Variants in MAT2A observed in about 807,000 individuals in gnomAD.
MAT2A encodes the protein methionine adenosyltransferase 2A, also known as S-adenosylmethionine synthase isoform type-2.
In MAT2A, 3 loss-of-function variants were observed where a neutral mutation model predicts 43.9. The observed-to-expected ratio is 0.07, with a 90% CI of 0.03 to 0.18. The LOEUF is 0.18. Ranked by LOEUF, MAT2A falls within the 10% of genes least tolerant of loss-of-function variation. MAT2A has a pLI of 1.00. For missense variants in MAT2A, 204 were observed against 489.0 expected, an observed-to-expected ratio of 0.42 and a Z score of 5.50; for synonymous variants, 200 against 168.4, an observed-to-expected ratio of 1.19 and a Z score of -1.45.
chr2:85,541,882 C>T lies in MAT2A; in HGVS notation c.459C>T (p.Thr153=), dbSNP rs1691484335. Residue 153 remains threonine (T), a synonymous_variant, in exon 5 of 9, where the codon ACC becomes ACT. Transcript: ENST00000306434. Reference sequence around the variant, plus strand: ...AAACTGAGGAGTGTATGCCTTTAACCATTGTCTTGGCACACAAGCTAAATG... The same window carrying T: ...AAACTGAGGAGTGTATGCCTTTAACTATTGTCTTGGCACACAAGCTAAATG... ...TDETEECMPL[T]IVLAHKLNAK... 1 of 1,614,184 alleles carries T rather than the reference C, an allele frequency of 6.2e-7. No homozygotes were observed. The highest frequency in any genetic ancestry group is 8.5e-7 in the Non-Finnish European group (1 of 1,180,016).
rs1488369439 is a variant in MAT2A, at chr2:85,542,978, A to G, written c.1029A>G (p.Arg343=). The G allele has an allele frequency of 1.9e-6, 3 of 1,613,510 alleles. No individual in the cohort carries two copies. The highest frequency in any genetic ancestry group is 8.5e-7 in the Non-Finnish European group (1 of 1,179,840). ...ATGGTACCTCTCAGAAGAGTGAGAG[A>G]GAGCTATTAGAGATTGTGAAGAAGA... ...FHYGTSQKSE[R]ELLEIVKKNF... The change falls in exon 8 of 9, where the codon AGA becomes AGG. Residue 343 remains arginine, a synonymous_variant. Transcript: ENST00000306434.
At chr2:85,539,808 C>G (rs1691416166) in intron 1 of MAT2A, 1 of 158,184 alleles carries the variant, frequency 6.3e-6, no homozygotes, top group African/African-American at 2.4e-5. Context: ...CAGCGGCGAC[C>G]ACGTGTTTGC....
chr2:85,541,740 G>T lies in MAT2A; in HGVS notation c.400G>T (p.Asp134Tyr). 1 of 1,614,090 alleles carries T rather than the reference G, an allele frequency of 6.2e-7. No homozygotes were observed. Among genetic ancestry groups the T allele is most frequent in the South Asian group, 1.1e-5 (1 of 91,060 alleles). ...DRNEEDIGAG[D>Y]QGLMFGYATD... ...AAATGAAGAAGACATTGGTGCTGGA[G>T]ACCAGGTATCTTGGTGTAGAGGCTG... is the stretch of plus-strand genomic sequence containing the variant. The change falls in exon 4 of 9, where the codon GAC becomes TAC. Residue 134 changes from aspartate (D) to tyrosine (Y), a missense_variant. Physicochemically the swap from Asp to Tyr is radical, Grantham distance 160 (BLOSUM62 -3). Transcript: ENST00000306434.
Position 85,543,751 on chromosome 2 carries a change from G to A in MAT2A, c.1167G>A (p.Val389=). 3.7e-6 allele frequency: 6 copies of A among 1,608,174 alleles called. No homozygotes were observed. Among genetic ancestry groups the A allele is most frequent in the Non-Finnish European group, 5.1e-6 (6 of 1,176,372 alleles). Reference sequence around the variant, plus strand: ...GTAGGGACAGCTTCCCATGGGAAGTGCCCAAAAAGCTTAAATATTGAAAGT... The same window carrying A: ...GTAGGGACAGCTTCCCATGGGAAGTACCCAAAAAGCTTAAATATTGAAAGT... ...HFGRDSFPWE[V]PKKLKY The change falls in exon 9 of 9, where the codon GTG becomes GTA. Residue 389 remains valine (V), a synonymous_variant. Transcript: ENST00000306434.
At chr2:85,539,521 C>G in intron 1 of MAT2A, 143 bp downstream of exon 1, 1 of 552,356 alleles carries the variant, frequency 1.8e-6, no homozygotes, top group East Asian at 3.6e-5. Flanking sequence ...GCGCGCTTTC[C>G]TCGTGGCGCC....
rs1277360846 is a variant in MAT2A, at chr2:85,543,810, G to A, written c.*38G>A. 1.4e-6 allele frequency: 2 copies of A among 1,403,788 alleles called. No individual in the cohort carries two copies. Among genetic ancestry groups the A allele is most frequent in the South Asian group, 1.2e-5 (1 of 80,012 alleles). 87.0% of individuals were successfully genotyped at this position (1,403,788 alleles called of 1,614,324 possible). On this transcript the variant is annotated 3_prime_UTR_variant, in exon 9 of 9. Transcript: ENST00000306434. ...TTTTTCCCCAGACTTGTTGGCGTAG[G>A]CTACAGAGAAGCCTTCAAGCTCTGA...
intron 8 of MAT2A, 146 bp from the exon 9 acceptor site, chr2:85,543,524 G>A: frequency 1.6e-6 from 1 of 608,552 alleles, no homozygotes; most frequent in South Asian, 2.1e-5. Flanking sequence ...TTGGACACCA[G>A]GGAAGTAACA....
intron 1 of MAT2A, 87 bp from the exon 2 acceptor site, chr2:85,540,996 A>G: frequency 1.2e-6 from 1 of 809,282 alleles, no homozygotes; most frequent in South Asian, 1.7e-5. Context: ...AAGATTTTAC[A>G]GATAGTAACA....
chr2:85,543,094 T>C (rs756803395), intron 8 of MAT2A, 60 bp downstream of exon 8: 59 of 1,547,302 alleles, frequency 3.8e-5, no homozygotes, highest in Non-Finnish European at 7.0e-6. Context: ...TGTGTGTATA[T>C]ACTTAAGGCT....
chr2:85,540,727 C>T (rs1196392036), intron 1 of MAT2A, among the ~76,000 whole-genome samples: 2 of 152,128 alleles, frequency 1.3e-5, no homozygotes, highest in African/African-American at 4.8e-5. Context: ...TATCTTGTTG[C>T]TCATTATAAT....
intron 5 of MAT2A, 32 bp downstream of exon 5, chr2:85,542,004 A>G (rs1211558813): frequency 3.7e-6 from 6 of 1,605,806 alleles, no homozygotes; most frequent in Admixed American, 1.7e-5. Flanking sequence ...TGGTTGTCTC[A>G]TTTATTACAT....
chr2:85,543,536 T>A, intron 8 of MAT2A, 134 bp from the exon 9 acceptor site: 1 of 625,588 alleles, frequency 1.6e-6, no homozygotes. Context: ...GAAGTAACAC[T>A]TTTGCCACAA....
At chr2:85,542,005 T>C (rs371551328) in intron 5 of MAT2A, 33 bp downstream of exon 5, 11 of 1,605,768 alleles carry the variant, frequency 6.9e-6, no homozygotes, top group Non-Finnish European at 9.4e-6. Context: ...GGTTGTCTCA[T>C]TTATTACATC....
intron 6 of MAT2A, 39 bp downstream of exon 6, chr2:85,542,412 G>A: frequency 6.3e-7 from 1 of 1,594,694 alleles, no homozygotes; most frequent in Non-Finnish European, 8.6e-7. Context: ...ATTTTTGATG[G>A]TTACTTAAAA....
Position 85,543,192 on chromosome 2 carries a change from C to CT in MAT2A, c.1085+160dup, listed in dbSNP as rs1338729251. The CT allele has an allele frequency of 1.1e-5, 9 of 783,770 alleles. No homozygotes were observed. In the African/African-American group the frequency reaches 1.4e-4, roughly 12 times the overall value. The allele number at this position is 783,770 out of a possible 1,614,324, so 48.6% of individuals were successfully genotyped here. A position where few individuals can be genotyped will look rare whatever the true frequency, so the allele number is the denominator to read the frequency against. On this transcript the variant is annotated intron_variant, in intron 8 of 8. Transcript: ENST00000306434. ...TTTTGAACTGCTGCCTTAGTGAAGA[C>CT]TTAGTTATTTGAGAAATTTAAAATT...
chr2:85,544,450 A>C lies in MAT2A; in HGVS notation c.*678A>C, dbSNP rs771181010. On this transcript the variant is annotated 3_prime_UTR_variant, in exon 9 of 9. Coordinates refer to ENST00000306434, the MANE Select transcript of MAT2A (RefSeq NM_005911.6). ...TGCCACCTCTAACAGCACCAAATCA[A>C]AATCTCTCCACTTTCAGCTGTCTTT... 1 of 152,616 alleles carries C rather than the reference A, an allele frequency of 6.6e-6. No homozygotes were observed. The highest frequency in any genetic ancestry group is 2.4e-5 in the African/African-American group (1 of 41,438). 9.5% of individuals were successfully genotyped at this position (152,616 alleles called of 1,614,324 possible).
chr2:85,539,315 G>A lies in MAT2A; in HGVS notation c.28G>A (p.Glu10Lys). Residue 10 changes from glutamate (E) to lysine (K), a missense_variant, in exon 1 of 9, where the codon GAG becomes AAG. Glu to Lys is a moderately conservative substitution (Grantham distance 56, BLOSUM62 1). Around this residue, in one of 6 missense-constraint regions of MAT2A, gnomAD observed 36 missense variants for 24.2 expected, o/e 1.49. Coordinates refer to ENST00000306434, the MANE Select transcript of MAT2A (RefSeq NM_005911.6). MNGQLNGFH[E>K]AFIEEGTFLF... is the part of the protein sequence containing the mutation. ...GAACGGACAGCTCAACGGCTTCCACGAGGCGTTCATCGAGGAGGGCACATT... is the reference window on the plus strand; with the variant it reads ...GAACGGACAGCTCAACGGCTTCCACAAGGCGTTCATCGAGGAGGGCACATT... 6.2e-7 allele frequency: 1 copy of A among 1,606,136 alleles called. No individual in the cohort carries two copies. The highest frequency in any genetic ancestry group is 8.5e-7 in the Non-Finnish European group (1 of 1,176,816).
At chr2:85,540,021 A>G (rs1397980466) in intron 1 of MAT2A, 1 of 152,332 alleles carries the variant, frequency 6.6e-6, no homozygotes, top group African/African-American at 2.4e-5. Flanking sequence ...CTGACTAAAT[A>G]TAGCTCATGT....
Position 85,539,196 on chromosome 2 carries a change from A to G in MAT2A, c.-92A>G, listed in dbSNP as rs17026419. ...CGCTCCGCGCCGCCCGCCTGCTACG[A>G]GTAGAACGCTGTCCGCAGCTTGCGC... On this transcript the variant is annotated 5_prime_UTR_variant, in exon 1 of 9. Transcript: ENST00000306434. The G allele has an allele frequency of 2.9e-4, 260 of 903,214 alleles. 1 individual carries two copies. The East Asian group carries it at 5.0e-3, about 18-fold the overall frequency. The allele number at this position is 903,214 out of a possible 1,614,324, so 55.9% of individuals were successfully genotyped here. A position where few individuals can be genotyped will look rare whatever the true frequency, so the allele number is the denominator to read the frequency against.
Sources: allele counts gnomAD v4.1 joint callset (sites outside exome capture counted in the v4.1 genomes callset), GRCh38; gene constraint gnomAD v4.1.1; regional missense constraint gnomAD v4.1.1; transcripts MANE v1.5; gene names NCBI Gene and HGNC (gene_info 2026-07-23, HGNC 2026-07-21).